FNBP1: variants seen among roughly 807,000 people sequenced by gnomAD.
FNBP1 encodes formin-binding protein 1.
In FNBP1, 26 loss-of-function variants were observed where a neutral mutation model predicts 90.6. The ratio of observed to expected loss-of-function variants is 0.29; its 90% confidence interval spans 0.21 to 0.40. The LOEUF (loss-of-function observed/expected upper bound fraction) is 0.40. Ranked by LOEUF, FNBP1 falls within the 10% of genes least tolerant of loss-of-function variation. FNBP1 has a pLI of 1.00. For missense variants in FNBP1, 635 were observed against 768.0 expected (o/e 0.83, Z 2.05); for synonymous variants, 260 against 265.2 (o/e 0.98, Z 0.19).
intron 16 of FNBP1, among the ~76,000 whole-genome samples, chr9:129,894,886 C>T (rs1258378890): frequency 3.3e-5 from 5 of 152,088 alleles, no homozygotes; most frequent in Non-Finnish European, 5.9e-5. Context: ...AGAGCGAACC[C>T]GTCTCTACTA....
rs1426260400 is a variant in FNBP1, at chr9:129,938,902, C to CT, written c.514-9208_514-9207insA. On this transcript the variant is annotated intron_variant, in intron 6 of 16. Coordinates refer to ENST00000446176, the MANE Select transcript of FNBP1 (RefSeq NM_015033.3). Reference sequence around the variant, plus strand: ...TAAATGATGGTTTCCAAGACTTGGCCCCCCTTTCCCCCCTGGTTTCTCACG... The same window carrying CT: ...TAAATGATGGTTTCCAAGACTTGGCCTCCCCTTTCCCCCCTGGTTTCTCACG... Among the ~76,000 whole-genome samples the CT allele has an allele frequency of 4.6e-5, 7 of 152,142 alleles. No individual in the cohort carries two copies. The East Asian group carries it at 9.7e-4, about 21-fold the overall frequency.
At chr9:129,939,812 T>C (rs1818223054) in intron 6 of FNBP1, among the ~76,000 whole-genome samples, 1 of 151,886 alleles carries the variant, frequency 6.6e-6, no homozygotes, top group Non-Finnish European at 1.5e-5. Context: ...AAGGTAGTAA[T>C]AATATAAATG....
chr9:129,912,358 C>T (rs111508971), intron 11 of FNBP1, among the ~76,000 whole-genome samples: 378 of 152,218 alleles, frequency 2.5e-3, no homozygotes, highest in African/African-American at 8.5e-3. Flanking sequence ...AGCTGGAATA[C>T]AGCAAAACAC....
intron 2 of FNBP1, among the ~76,000 whole-genome samples, chr9:129,984,140 T>G (rs2051750972): frequency 1.3e-5 from 2 of 152,122 alleles, no homozygotes; most frequent in Non-Finnish European, 2.9e-5. Flanking sequence ...TTTTTCACTC[T>G]TATTTTTTTA....
chr9:129,957,578 GTC>G lies in FNBP1; in HGVS notation c.409-116_409-115del. The G allele has an allele frequency of 1.3e-6, 1 of 796,336 alleles. No homozygotes were observed. The highest frequency in any genetic ancestry group is 1.9e-6 in the Non-Finnish European group (1 of 515,672). The allele number at this position is 796,336 out of a possible 1,614,324, so 49.3% of individuals were successfully genotyped here. A position where few individuals can be genotyped will look rare whatever the true frequency, so the allele number is the denominator to read the frequency against. On this transcript the variant is annotated intron_variant, in intron 5 of 16. Coordinates refer to ENST00000446176, the MANE Select transcript of FNBP1 (RefSeq NM_015033.3). This position sits in a 1 kb window ranked among gnomAD's most constrained non-coding sequence, Gnocchi z 4.3. ...TTTCTTTTTTTTTTCTTCAGTCAGG[GTC>G]TCACTTTGTCACCCAGGCTGGAGTG... is the stretch of plus-strand genomic sequence containing the variant.
intron 1 of FNBP1, among the ~76,000 whole-genome samples, chr9:130,008,403 T>C (rs2056109642): frequency 6.6e-6 from 1 of 152,066 alleles, no homozygotes; most frequent in Admixed American, 6.6e-5. Context: ...AAATTACTCC[T>C]CCAGATAGGT....
intron 2 of FNBP1, among the ~76,000 whole-genome samples, chr9:129,981,456 C>G (rs945301100): frequency 6.6e-6 from 1 of 152,186 alleles, no homozygotes; most frequent in Non-Finnish European, 1.5e-5. Flanking sequence ...TGTTAATTCC[C>G]TGTTGCTATT....
At chr9:130,011,916 T>C (rs2056659893) in intron 1 of FNBP1, among the ~76,000 whole-genome samples, 1 of 152,186 alleles carries the variant, frequency 6.6e-6, no homozygotes, top group African/African-American at 2.4e-5. Context: ...TTCTAAGATT[T>C]AAATCAAGAT....
intron 4 of FNBP1, among the ~76,000 whole-genome samples, chr9:129,958,942 C>T (rs887732681): frequency 8.0e-6 from 1 of 124,318 alleles, no homozygotes; most frequent in African/African-American, 3.2e-5. Flanking sequence ...GCTGTGATTG[C>T]ACCACTGCAC....
At chr9:129,923,280 C>G (rs1011745536) in intron 10 of FNBP1, among the ~76,000 whole-genome samples, 23 of 151,792 alleles carry the variant, frequency 1.5e-4, no homozygotes, top group Non-Finnish European at 2.9e-4. Context: ...CCAAAATGTA[C>G]TAGAAACGAA....
intron 2 of FNBP1, 113 bp from the exon 3 acceptor site, chr9:129,979,487 C>T (rs2050848209): frequency 1.4e-6 from 1 of 717,274 alleles, no homozygotes; most frequent in Non-Finnish European, 2.3e-6. Flanking sequence ...AAAAAAAGTC[C>T]ACAGCTGAAA....
intron 1 of FNBP1, among the ~76,000 whole-genome samples, chr9:129,995,251 G>A (rs930337917): frequency 6.6e-6 from 1 of 152,082 alleles, no homozygotes; most frequent in African/African-American, 2.4e-5. Context: ...GTCATTCCCA[G>A]ACGCCAAAAA....
intron 10 of FNBP1, chr9:129,919,324 GA>G (rs1280980321): frequency 1.4e-5 from 9 of 637,256 alleles, no homozygotes; most frequent in Non-Finnish European, 2.2e-5. Context: ...AACTGGTAAG[GA>G]TTTTCAAAAT....
At chr9:130,001,547 C>T (rs1822089019) in intron 1 of FNBP1, among the ~76,000 whole-genome samples, 1 of 152,052 alleles carries the variant, frequency 6.6e-6, no homozygotes, top group South Asian at 2.1e-4. Flanking sequence ...GGTCCAGGGA[C>T]TGCACTTTGA....
In FNBP1 at chr9:129,923,917, G is replaced by T; in HGVS notation, c.1097C>A (p.Pro366His). The T allele has an allele frequency of 6.3e-7, 1 of 1,599,846 alleles. No homozygotes were observed. The highest frequency in any genetic ancestry group is 8.5e-7 in the Non-Finnish European group (1 of 1,174,682). Reference sequence around the variant, plus strand: ...GAACTCGTTGAAGCGATGGGAGAGGGGTTCCTTTTGCTGCTTGGGAGACTG... The same window carrying T: ...GAACTCGTTGAAGCGATGGGAGAGGTGTTCCTTTTGCTGCTTGGGAGACTG... ...GPQSPKQQKEPLSHRFNEFMT... is the reference protein window; with the variant it reads ...GPQSPKQQKEHLSHRFNEFMT... Residue 366 changes from proline to histidine, a missense_variant, in exon 10 of 17, where the codon CCC becomes CAC. By Grantham distance (77) the Pro-to-His change is moderately conservative. Transcript: ENST00000446176.
intron 1 of FNBP1, among the ~76,000 whole-genome samples, chr9:130,027,126 C>A (rs2058421510): frequency 6.6e-6 from 1 of 151,950 alleles, no homozygotes; most frequent in Non-Finnish European, 1.5e-5. Flanking sequence ...TGAAATGTCC[C>A]CTTTTGTGAC....
intron 4 of FNBP1, among the ~76,000 whole-genome samples, chr9:129,970,363 G>A (rs560230873): frequency 5.1e-4 from 78 of 152,026 alleles, no homozygotes; most frequent in African/African-American, 1.8e-3. Context: ...GCACAACCAA[G>A]CCCAGCTAAT....
chr9:129,909,543 G>A (rs2038833858), intron 11 of FNBP1, among the ~76,000 whole-genome samples: 1 of 151,584 alleles, frequency 6.6e-6, no homozygotes, highest in Non-Finnish European at 1.5e-5. Context: ...AGAGAATGTG[G>A]GTGAAAAAGA....
chr9:130,030,272 T>C (rs1385238005), intron 1 of FNBP1, among the ~76,000 whole-genome samples: 1 of 151,826 alleles, frequency 6.6e-6, no homozygotes, highest in Non-Finnish European at 1.5e-5. Context: ...CCACCTCTAC[T>C]AAAAATACAA....
Sources: gnomAD v4.1 joint callset for allele counts (sites outside exome capture counted in the v4.1 genomes callset) on GRCh38, gnomAD v4.1.1 for gene constraint, Gnocchi (gnomAD v3.1) non-coding constraint, MANE v1.5 for transcripts, NCBI Gene and HGNC (gene_info 2026-07-23, HGNC 2026-07-21) for gene names.